Variants in SERPINA1 observed in about 807,000 individuals in gnomAD.
SERPINA1 encodes the protein serpin family A member 1.
Under a neutral mutation model 25.4 loss-of-function variants are expected in SERPINA1, and 21 were observed. That is an observed-to-expected ratio of 0.83 (90% confidence interval 0.59 to 1.19). The LOEUF (loss-of-function observed/expected upper bound fraction) is 1.19, where lower values mean the gene tolerates loss of function less well. SERPINA1 is among the 50% of genes most tolerant of loss of function. The pLI is 0.00. For synonymous variants in SERPINA1, 218 were observed against 211.1 expected, an observed-to-expected ratio of 1.03 and a Z score of -0.29; for missense variants, 546 against 509.0, an observed-to-expected ratio of 1.07 and a Z score of -0.70.
At chr14:94,384,558 A>G (rs1009797494) in intron 1 of SERPINA1, among the ~76,000 whole-genome samples, 3 of 152,138 alleles carry the variant, frequency 2.0e-5, no homozygotes, top group Non-Finnish European at 2.9e-5. Context: ...CCTGCCCCAC[A>G]GTGATCCTTC....
chr14:94,381,755 C>A (rs976260389), intron 2 of SERPINA1, among the ~76,000 whole-genome samples: 10 of 152,192 alleles, frequency 6.6e-5, no homozygotes, highest in African/African-American at 2.4e-4. Context: ...TGGAGAGGGA[C>A]CTGGGCCCCC....
At chr14:94,389,929 T>C (rs916387650), upstream of SERPINA1, 2 of 152,196 alleles carry the variant, frequency 1.3e-5, no homozygotes, top group Admixed American at 6.5e-5. Flanking sequence ...GGTGACGGTA[T>C]GTACCTTGTT....
At chr14:94,386,793 A>C (rs1356126695) in intron 1 of SERPINA1, among the ~76,000 whole-genome samples, 2 of 152,218 alleles carry the variant, frequency 1.3e-5, no homozygotes, top group Non-Finnish European at 2.9e-5. Context: ...ACTGCCTGCC[A>C]GCTGCCTAAC....
chr14:94,378,071 G>C lies in SERPINA1; in HGVS notation c.*378C>G. On this transcript the variant is annotated 3_prime_UTR_variant, in exon 5 of 5. Coordinates refer to ENST00000393087, the MANE Select transcript of SERPINA1 (RefSeq NM_000295.5). ...TGAGCAGGGGGACATGAAGATGCTT[G>C]GTGGAGCCTGGGGTCATGGCTGGTA... The C allele has an allele frequency of 4.2e-6, 1 of 239,568 alleles. No individual in the cohort carries two copies. Among genetic ancestry groups the C allele is most frequent in the Non-Finnish European group, 8.2e-6 (1 of 122,528 alleles). The allele number at this position is 239,568 out of a possible 1,614,324, so 14.8% of individuals were successfully genotyped here.
At chr14:94,385,352 A>G (rs918444103) in intron 1 of SERPINA1, among the ~76,000 whole-genome samples, 1 of 152,208 alleles carries the variant, frequency 6.6e-6, no homozygotes, top group African/African-American at 2.4e-5. Flanking sequence ...TTTTTGAGAC[A>G]GAGTCTCGCT....
At position 94,378,133 on chromosome 14, in the gene SERPINA1, C is replaced by T. The variant is rs1243164; in HGVS notation, c.*316G>A. The stretch of plus-strand genomic sequence containing the variant: ...CCCTGTGATTCCTTCTTGGGGACTC[C>T]AAGACAGGACAAGGAAGACTGGAGC... On this transcript the variant is annotated 3_prime_UTR_variant, in exon 5 of 5. Coordinates refer to ENST00000393087, the MANE Select transcript of SERPINA1 (RefSeq NM_000295.5). The T allele has an allele frequency of 1.2e-5, 5 of 405,652 alleles. No homozygotes were observed. The Admixed American group carries it at 1.5e-4, about 12-fold the overall frequency. 25.1% of individuals were successfully genotyped at this position (405,652 alleles called of 1,614,324 possible).
intron 1 of SERPINA1, among the ~76,000 whole-genome samples, chr14:94,387,628 C>T (rs3748314): frequency 0.16 from 24,501 of 152,124 alleles, 2,471 homozygotes; most frequent in Admixed American, 0.26. Context: ...TCAAGTCCAG[C>T]CCAGGTTTCC....
At chr14:94,384,782 A>G (rs2139704678) in intron 1 of SERPINA1, among the ~76,000 whole-genome samples, 1 of 152,324 alleles carries the variant, frequency 6.6e-6, no homozygotes, top group Admixed American at 6.5e-5. Flanking sequence ...CTGGAGAAAA[A>G]AAGCTGGAAA....
Position 94,380,665 on chromosome 14 carries a change from G to A in SERPINA1, c.917+206C>T, listed in dbSNP as rs1056049304. The A allele has an allele frequency of 2.0e-5, 13 of 659,218 alleles. No homozygotes were observed. The African/African-American group carries it at 2.3e-4, about 12-fold the overall frequency. 40.8% of individuals were successfully genotyped at this position (659,218 alleles called of 1,614,324 possible). ...GAGACCTTTACCTCCTCACCCCTGG[G>A]TACTGTCCTCCTCATGGAGCATGGA... On this transcript the variant is annotated intron_variant, in intron 3 of 4. Coordinates refer to ENST00000393087, the MANE Select transcript of SERPINA1 (RefSeq NM_000295.5).
In SERPINA1 at chr14:94,378,589, C is replaced by T. The variant is rs12077; in HGVS notation, c.1117G>A (p.Gly373Arg). The T allele has an allele frequency of 3.1e-6, 5 of 1,614,184 alleles. No individual in the cohort carries two copies. Among genetic ancestry groups the T allele is most frequent in the Non-Finnish European group, 8.5e-7 (1 of 1,180,026 alleles). ...GGTATGGCCTCTAAAAACATGGCCC[C>T]AGCAGCTTCAGTCCCTTTCTCGTCG... ...TIDEKGTEAA[G>R]AMFLEAIPMS... Residue 373 changes from glycine (G) to arginine (R), a missense_variant, in exon 5 of 5, where the codon GGG (glycine) becomes AGG (arginine). Physicochemically the swap from Gly to Arg is moderately radical, Grantham distance 125. Coordinates refer to ENST00000393087, the MANE Select transcript of SERPINA1 (RefSeq NM_000295.5).
At chr14:94,379,348 C>T in intron 4 of SERPINA1, 116 bp downstream of exon 4, 1 of 1,453,134 alleles carries the variant, frequency 6.9e-7, no homozygotes, top group Non-Finnish European at 9.6e-7. Context: ...GGAGCTCAGC[C>T]TGGGTCTTCA....
intron 1 of SERPINA1, among the ~76,000 whole-genome samples, chr14:94,384,591 C>T (rs1013468032): frequency 2.0e-5 from 3 of 152,142 alleles, no homozygotes; most frequent in Non-Finnish European, 4.4e-5. Flanking sequence ...GCCCAGGCTT[C>T]GGACCACCAG....
rs1051052 is a variant in SERPINA1, at chr14:94,377,595, A to G, written c.*854T>C. On this transcript the variant is annotated 3_prime_UTR_variant, in exon 5 of 5. Transcript: ENST00000393087. ...TCAGCAGGCCTATGGCCATGTGACT[A>G]GGGAGGAGAAGGGATATAGGGTAAT... 0.48 allele frequency: 73,032 copies of G among 152,084 alleles called. 19,343 individuals carry two copies. The highest frequency in any genetic ancestry group is 0.68 in the East Asian group (3,511 of 5,154). The allele number at this position is 152,084 out of a possible 1,614,324, so 9.4% of individuals were successfully genotyped here.
intron 1 of SERPINA1, 149 bp from the exon 2 acceptor site, chr14:94,383,390 C>A (rs1897100259): frequency 2.6e-6 from 2 of 776,456 alleles, no homozygotes; most frequent in South Asian, 3.4e-5. Context: ...CTGAAAGAAT[C>A]AGAAGAATAG....
upstream of SERPINA1, among the ~76,000 whole-genome samples, chr14:94,389,178 G>T (rs1897513725): frequency 6.6e-6 from 1 of 152,232 alleles, no homozygotes; most frequent in South Asian, 2.1e-4. Context: ...CGTCAGGCTG[G>T]CATGGGGGGC....
At chr14:94,382,533 T>C (rs1897002680) in intron 2 of SERPINA1, 59 bp downstream of exon 2, 2 of 1,607,712 alleles carry the variant, frequency 1.2e-6, no homozygotes, top group Non-Finnish European at 1.7e-6. Flanking sequence ...GAACTGATGG[T>C]TTGAGAATAT....
chr14:94,379,616 C>G lies in SERPINA1; in HGVS notation c.918-5G>C, dbSNP rs375378877. 1.9e-6 allele frequency: 3 copies of G among 1,614,150 alleles called. No individual in the cohort carries two copies. The highest frequency in any genetic ancestry group is 2.5e-6 in the Non-Finnish European group (3 of 1,180,038). On this transcript the variant is annotated splice_polypyrimidine_tract_variant and splice_region_variant and intron_variant, in intron 3 of 4. Coordinates refer to ENST00000393087, the MANE Select transcript of SERPINA1 (RefSeq NM_000295.5). ...GGTAAATGTAAGCTGGCAGACCTGT[C>G]GTGCAGAAAAGAAATTCAAGGCATG... is the stretch of plus-strand genomic sequence containing the variant.
intron 2 of SERPINA1, 57 bp from the exon 3 acceptor site, chr14:94,381,198 A>T: frequency 6.4e-7 from 1 of 1,561,624 alleles, no homozygotes; most frequent in Non-Finnish European, 8.7e-7. Flanking sequence ...GGAAGAGTGT[A>T]GCAGAATAAA....
intron 4 of SERPINA1, 146 bp downstream of exon 4, chr14:94,379,318 G>C (rs1896661621): frequency 8.2e-7 from 1 of 1,217,130 alleles, no homozygotes; most frequent in Middle Eastern, 2.7e-4. Flanking sequence ...TCCCGTGTCA[G>C]TGAATCACGG....
Sources: gnomAD v4.1 joint callset for allele counts (sites outside exome capture counted in the v4.1 genomes callset) on GRCh38, gnomAD v4.1.1 for gene constraint, MANE v1.5 for transcripts, NCBI Gene and HGNC (gene_info 2026-07-23, HGNC 2026-07-21) for gene names.